CHD9NB: variants seen among roughly 807,000 people sequenced by gnomAD.
CHD9NB encodes CHD9 neighbor protein.
the CHD9NB span, among the ~76,000 whole-genome samples, chr16:53,047,478 C>T: frequency 6.6e-6 from 1 of 152,188 alleles, no homozygotes; most frequent in South Asian, 2.1e-4. Context: ...CTGGTGTGGG[C>T]TCCCTTCCTG....
At chr16:53,045,760 G>T in the CHD9NB span, among the ~76,000 whole-genome samples, 1 of 152,154 alleles carries the variant, frequency 6.6e-6, no homozygotes, top group African/African-American at 2.4e-5. Context: ...CTACAAGGAA[G>T]TATTATTAAT....
At chr16:53,045,024 C>T in the CHD9NB span, among the ~76,000 whole-genome samples, 1 of 152,172 alleles carries the variant, frequency 6.6e-6, no homozygotes, top group Non-Finnish European at 1.5e-5. Flanking sequence ...GCAGCCTCAA[C>T]CTAGGCTCAA....
the CHD9NB span, chr16:53,044,285 G>T: frequency 2.5e-6 from 1 of 397,102 alleles, no homozygotes; most frequent in Non-Finnish European, 4.4e-6. Context: ...AGCCAGTTCC[G>T]TTTCTATGGC....
chr16:53,052,381 C>T, the CHD9NB span, among the ~76,000 whole-genome samples: 6 of 152,000 alleles, frequency 3.9e-5, no homozygotes, highest in South Asian at 1.2e-3. Flanking sequence ...AGAACAAGAC[C>T]CCATCTCTTA....
chr16:53,045,745 C>T, the CHD9NB span, among the ~76,000 whole-genome samples: 12 of 152,336 alleles, frequency 7.9e-5, no homozygotes, highest in East Asian at 1.7e-3. Context: ...CCCAATCACA[C>T]AGTCCTACAA....
chr16:53,048,280 C>G, the CHD9NB span, among the ~76,000 whole-genome samples: 1 of 152,076 alleles, frequency 6.6e-6, no homozygotes, highest in Non-Finnish European at 1.5e-5. Flanking sequence ...GTGGCATGTG[C>G]CTGCAGTCCC....
the CHD9NB span, among the ~76,000 whole-genome samples, chr16:53,038,267 G>A: frequency 6.6e-6 from 1 of 152,146 alleles, no homozygotes; most frequent in Non-Finnish European, 1.5e-5. Context: ...CCAGAAACAC[G>A]CTCCCAGGCA....
chr16:53,047,649 T>C, the CHD9NB span, among the ~76,000 whole-genome samples: 1 of 152,200 alleles, frequency 6.6e-6, no homozygotes, highest in Non-Finnish European at 1.5e-5. Context: ...ATTGCCTCCA[T>C]AAAGTCTCTA....
the CHD9NB span, among the ~76,000 whole-genome samples, chr16:53,045,241 T>C: frequency 6.6e-6 from 1 of 152,158 alleles, no homozygotes; most frequent in Non-Finnish European, 1.5e-5. Context: ...AGATTACAGG[T>C]ATAAGCCATC....
chr16:53,051,810 T>TATATA, the CHD9NB span, among the ~76,000 whole-genome samples: 1 of 136,166 alleles, frequency 7.3e-6, no homozygotes, highest in African/African-American at 2.9e-5. Context: ...TATATATATA[T>TATATA]AATGAGTACC....
chr16:53,049,301 G>A, the CHD9NB span, among the ~76,000 whole-genome samples: 31 of 150,818 alleles, frequency 2.1e-4, no homozygotes, highest in South Asian at 8.4e-4. Context: ...AACTACAGGC[G>A]TGTGCCACCA....
the CHD9NB span, among the ~76,000 whole-genome samples, chr16:53,052,381 C>A: frequency 6.6e-6 from 1 of 151,884 alleles, no homozygotes; most frequent in Non-Finnish European, 1.5e-5. Flanking sequence ...AGAACAAGAC[C>A]CCATCTCTTA....
the CHD9NB span, among the ~76,000 whole-genome samples, chr16:53,036,896 G>C: frequency 6.6e-6 from 1 of 152,066 alleles, no homozygotes; most frequent in African/African-American, 2.4e-5. Flanking sequence ...CCCAAGCCAA[G>C]TTGAAAGTGT....
chr16:53,036,461 T>C, the CHD9NB span, among the ~76,000 whole-genome samples: 1 of 152,228 alleles, frequency 6.6e-6, no homozygotes, highest in Admixed American at 6.5e-5. Flanking sequence ...AGTTTTGTCC[T>C]TGATAGATGC....
At chr16:53,041,686 G>GT in the CHD9NB span, among the ~76,000 whole-genome samples, 1 of 152,022 alleles carries the variant, frequency 6.6e-6, no homozygotes, top group African/African-American at 2.4e-5. Context: ...AGAGTCCTGA[G>GT]TGTGGACATT....
chr16:53,039,526 C>A, the CHD9NB span, among the ~76,000 whole-genome samples: 4 of 152,180 alleles, frequency 2.6e-5, no homozygotes, highest in African/African-American at 9.6e-5. Context: ...TGGCAGATCA[C>A]CTGAAGTCAG....
the CHD9NB span, among the ~76,000 whole-genome samples, chr16:53,039,759 AAAG>A: frequency 6.6e-6 from 1 of 151,886 alleles, no homozygotes; most frequent in Non-Finnish European, 1.5e-5. Flanking sequence ...AAAAAAGTTC[AAAG>A]AAGACTCTCA....
At chr16:53,042,884 T>C in the CHD9NB span, 4 of 152,298 alleles carry the variant, frequency 2.6e-5, no homozygotes, top group Admixed American at 6.5e-5. Context: ...GGCAAGTGAC[T>C]TTATTTCCTC....
the CHD9NB span, among the ~76,000 whole-genome samples, chr16:53,052,270 G>A: frequency 6.6e-6 from 1 of 151,446 alleles, no homozygotes; most frequent in African/African-American, 2.4e-5. Flanking sequence ...AGCCAGGCAT[G>A]GTGGCACATG....
Sources: gnomAD v4.1 joint callset for allele counts (sites outside exome capture counted in the v4.1 genomes callset) on GRCh38, gnomAD v4.1.1 for gene constraint, MANE v1.5 for transcripts, NCBI Gene and HGNC (gene_info 2026-07-23, HGNC 2026-07-21) for gene names.